The following TTC27 variants were observed in gnomAD, a reference collection of about 807,000 sequenced individuals.
The protein encoded by TTC27 is tetratricopeptide repeat protein 27.
A neutral mutation model predicts 115.9 loss-of-function variants in TTC27; 79 were observed. The ratio of observed to expected loss-of-function variants is 0.68; its 90% CI spans 0.57 to 0.82. The LOEUF is 0.82. TTC27 is among the 40% of genes least tolerant of loss of function. The pLI, the probability that TTC27 is intolerant of heterozygous loss-of-function variation, is 0.00. For synonymous variants in TTC27, 401 were observed against 356.0 expected, an observed-to-expected ratio of 1.13 and a Z score of -1.42; for missense variants, 1,054 against 993.1, an observed-to-expected ratio of 1.06 and a Z score of -0.82.
chr2:32,780,897 C>T (rs934064452), intron 14 of TTC27, among the ~76,000 whole-genome samples: 5 of 146,368 alleles, frequency 3.4e-5, no homozygotes, highest in African/African-American at 7.6e-5. Flanking sequence ...TATAAAAGAT[C>T]TAAATTTAAT....
chr2:32,733,114 C>T (rs1334966734), intron 10 of TTC27, among the ~76,000 whole-genome samples: 1 of 152,154 alleles, frequency 6.6e-6, no homozygotes, highest in Non-Finnish European at 1.5e-5. Context: ...AATCATTTGA[C>T]CACTGGATAG....
chr2:32,706,850 A>C (rs1667388822), intron 10 of TTC27, among the ~76,000 whole-genome samples: 1 of 152,232 alleles, frequency 6.6e-6, no homozygotes, highest in Admixed American at 6.5e-5. Flanking sequence ...GGCGTGAGCC[A>C]CTGCGCCTGG....
intron 10 of TTC27, among the ~76,000 whole-genome samples, chr2:32,723,500 A>C (rs1667992315): frequency 6.6e-6 from 1 of 152,084 alleles, no homozygotes; most frequent in Non-Finnish European, 1.5e-5. Context: ...ACAGAGGCCA[A>C]ACGGGTATAC....
At chr2:32,751,383 CTT>C (rs1245106650) in intron 12 of TTC27, among the ~76,000 whole-genome samples, 1 of 152,014 alleles carries the variant, frequency 6.6e-6, no homozygotes, top group Non-Finnish European at 1.5e-5. Flanking sequence ...TGAGTTTACT[CTT>C]TTAATGAGAA....
chr2:32,650,107 A>G (rs754844340), intron 4 of TTC27, 24 bp from the exon 5 acceptor site: 2 of 1,574,758 alleles, frequency 1.3e-6, no homozygotes, highest in Admixed American at 3.5e-5. Flanking sequence ...CTTTTATTTC[A>G]GCTTACGTGG....
At chr2:32,700,326 G>C (rs1258341887) in intron 9 of TTC27, among the ~76,000 whole-genome samples, 1 of 152,072 alleles carries the variant, frequency 6.6e-6, no homozygotes, top group Non-Finnish European at 1.5e-5. Flanking sequence ...TCACTTGGTG[G>C]GGCTGGGATG....
At chr2:32,800,286 C>G (rs541071716) in intron 16 of TTC27, among the ~76,000 whole-genome samples, 2 of 152,154 alleles carry the variant, frequency 1.3e-5, no homozygotes, top group East Asian at 3.9e-4. Flanking sequence ...CTCCCAGGTT[C>G]AAGTGATTCT....
intron 4 of TTC27, among the ~76,000 whole-genome samples, chr2:32,647,017 C>T (rs1157823571): frequency 2.7e-5 from 4 of 148,930 alleles, no homozygotes; most frequent in Non-Finnish European, 5.9e-5. Context: ...TTCTCTGTTG[C>T]CCAACCTGGA....
At chr2:32,660,459 A>G (rs1264424134) in intron 5 of TTC27, among the ~76,000 whole-genome samples, 3 of 152,184 alleles carry the variant, frequency 2.0e-5, no homozygotes, top group Non-Finnish European at 4.4e-5. Flanking sequence ...GACATGGATG[A>G]AGCTGGAAAC....
intron 5 of TTC27, among the ~76,000 whole-genome samples, chr2:32,656,044 A>G (rs568762249): frequency 1.3e-5 from 2 of 152,294 alleles, no homozygotes; most frequent in South Asian, 4.1e-4. Context: ...GCATTGAACA[A>G]CACTGCTATT....
intron 9 of TTC27, among the ~76,000 whole-genome samples, chr2:32,696,036 T>C (rs1179819529): frequency 1.3e-5 from 2 of 150,178 alleles, no homozygotes; most frequent in East Asian, 4.1e-4. Flanking sequence ...GGCAGGAGCA[T>C]TGCTTGAACC....
chr2:32,775,505 T>C (rs867367810), intron 13 of TTC27, among the ~76,000 whole-genome samples: 1 of 152,164 alleles, frequency 6.6e-6, no homozygotes, highest in Admixed American at 6.5e-5. Flanking sequence ...GCCACACATG[T>C]GGTTCTTATA....
At chr2:32,789,945 A>AAG (rs372561611) in intron 16 of TTC27, among the ~76,000 whole-genome samples, 1 of 137,198 alleles carries the variant, frequency 7.3e-6, no homozygotes, top group Non-Finnish European at 1.5e-5. Flanking sequence ...AAAAAAAAAA[A>AAG]AGAGAAGTCT....
At chr2:32,784,117 G>A (rs1396433248) in intron 15 of TTC27, among the ~76,000 whole-genome samples, 1 of 152,200 alleles carries the variant, frequency 6.6e-6, no homozygotes, top group Non-Finnish European at 1.5e-5. Flanking sequence ...CCCTGTCATA[G>A]TTGTAGAATG....
intron 12 of TTC27, among the ~76,000 whole-genome samples, chr2:32,754,816 C>G (rs1461221426): frequency 3.8e-5 from 4 of 104,656 alleles, no homozygotes; most frequent in South Asian, 3.1e-4. Flanking sequence ...GCTGGCTGGG[C>G]GGGGGGGCTG....
At chr2:32,630,283 T>C (rs1444356002) in intron 1 of TTC27, among the ~76,000 whole-genome samples, 1 of 152,200 alleles carries the variant, frequency 6.6e-6, no homozygotes, top group African/African-American at 2.4e-5. Flanking sequence ...ATATTATTTC[T>C]GGGGCTGACT....
chr2:32,658,203 A>G (rs1665404258), intron 5 of TTC27, among the ~76,000 whole-genome samples: 1 of 152,126 alleles, frequency 6.6e-6, no homozygotes, highest in Non-Finnish European at 1.5e-5. Flanking sequence ...TCTCACTGCA[A>G]CCTCAACCTC....
intron 13 of TTC27, among the ~76,000 whole-genome samples, chr2:32,769,242 A>T (rs2148005369): frequency 6.6e-6 from 1 of 152,324 alleles, no homozygotes; most frequent in African/African-American, 2.4e-5. Context: ...GATAGAAGGA[A>T]ACCCCAGCAA....
At chr2:32,797,387 A>C (rs112705191) in intron 16 of TTC27, among the ~76,000 whole-genome samples, 1 of 152,022 alleles carries the variant, frequency 6.6e-6, no homozygotes, top group African/African-American at 2.4e-5. Context: ...TATGTTGCCA[A>C]GGTTGATCTC....
Sources: gnomAD v4.1 joint callset for allele counts (sites outside exome capture counted in the v4.1 genomes callset) on GRCh38, gnomAD v4.1.1 for gene constraint, MANE v1.5 for transcripts, NCBI Gene and HGNC (gene_info 2026-07-23, HGNC 2026-07-21) for gene names.